KLHDC4: variants seen among roughly 807,000 people sequenced by gnomAD.
KLHDC4 encodes the protein kelch domain-containing protein 4.
A neutral mutation model predicts 62.4 loss-of-function variants in KLHDC4; 90 were observed. The ratio of observed to expected loss-of-function variants is 1.44; its 90% CI spans 1.22 to 1.72. KLHDC4 has a LOEUF of 1.72. Among genes scored for constraint, KLHDC4 ranks in the 40% most tolerant of loss-of-function variants. KLHDC4 has a pLI of 0.00. For synonymous variants in KLHDC4, 386 were observed against 284.4 expected, an observed-to-expected ratio of 1.36 and a Z score of -3.59; for missense variants, 1,025 against 699.7, an observed-to-expected ratio of 1.47 and a Z score of -5.25.
chr16:87,727,425 C>T (rs2039565964), intron 6 of KLHDC4, among the ~76,000 whole-genome samples: 1 of 152,190 alleles, frequency 6.6e-6, no homozygotes, highest in Non-Finnish European at 1.5e-5. Flanking sequence ...GTGTGAGCAG[C>T]CTGGCAGCAA....
chr16:87,722,499 C>T (rs902403398), intron 7 of KLHDC4, among the ~76,000 whole-genome samples: 1 of 152,238 alleles, frequency 6.6e-6, no homozygotes, highest in African/African-American at 2.4e-5. Context: ...CCATGCAGAA[C>T]CACGGTCAGA....
chr16:87,748,099 G>A (rs1421641922), intron 5 of KLHDC4, among the ~76,000 whole-genome samples: 1 of 152,116 alleles, frequency 6.6e-6, no homozygotes, highest in Admixed American at 6.5e-5. Context: ...CTCTCTACAC[G>A]GAGAGACAAA....
chr16:87,754,654 G>T (rs1350148455), intron 4 of KLHDC4, among the ~76,000 whole-genome samples: 1 of 152,164 alleles, frequency 6.6e-6, no homozygotes, highest in Non-Finnish European at 1.5e-5. Context: ...AATGGACAAG[G>T]ACAGAGTTCC....
At chr16:87,714,681 C>T (rs2036584991) in intron 7 of KLHDC4, 108 bp from the exon 8 acceptor site, 1 of 1,154,186 alleles carries the variant, frequency 8.7e-7, no homozygotes, top group Non-Finnish European at 1.3e-6. Context: ...GAGGCCTTCC[C>T]TGTAGACCAG....
At chr16:87,739,371 C>A (rs1347491121) in intron 5 of KLHDC4, among the ~76,000 whole-genome samples, 1 of 137,166 alleles carries the variant, frequency 7.3e-6, no homozygotes, top group African/African-American at 2.8e-5. Flanking sequence ...TCCATCCACA[C>A]ACCAGCACGT....
Position 87,730,622 on chromosome 16 carries a change from G to C in KLHDC4, c.529C>G (p.Arg177Gly). ...QVKSTGGPSG[R>G]SGHRMVAWKR... is the part of the protein sequence containing the mutation. ...CAGGCCACCATCCGATGTCCACTCCGACCCGAAGGACCGCCTGTTGATCTA... is the reference window on the plus strand; with the variant it reads ...CAGGCCACCATCCGATGTCCACTCCCACCCGAAGGACCGCCTGTTGATCTA... The change falls in exon 6 of 12, where the codon CGG (arginine) becomes GGG (glycine). Residue 177 changes from arginine (R) to glycine (G), a missense_variant. Physicochemically the swap from Arg to Gly is moderately radical, Grantham distance 125. Coordinates refer to ENST00000270583, the MANE Select transcript of KLHDC4 (RefSeq NM_017566.4). 1 of 1,612,758 alleles carries C rather than the reference G, an allele frequency of 6.2e-7. No homozygotes were observed. Among genetic ancestry groups the C allele is most frequent in the Non-Finnish European group, 8.5e-7 (1 of 1,179,710 alleles).
intron 5 of KLHDC4, among the ~76,000 whole-genome samples, chr16:87,734,314 A>T (rs1346860776): frequency 6.6e-6 from 1 of 152,126 alleles, no homozygotes; most frequent in African/African-American, 2.4e-5. Flanking sequence ...ACTGCACTCC[A>T]GTCTGGGCGA....
chr16:87,710,467 G>C (rs1456257642), intron 9 of KLHDC4: 1 of 152,228 alleles, frequency 6.6e-6, no homozygotes, highest in African/African-American at 2.4e-5. Context: ...AAAGCTCTCT[G>C]AGGTCCTCCG....
At chr16:87,701,999 C>A (rs754441363) in exon 1 of KLHDC4, 2 of 456,332 alleles carry the variant, frequency 4.4e-6, no homozygotes, top group South Asian at 3.1e-5. Context: ...AAAGCTCAGC[C>A]CAGCAGCCAG....
At chr16:87,725,667 G>A (rs1004026124) in intron 7 of KLHDC4, among the ~76,000 whole-genome samples, 1 of 152,190 alleles carries the variant, frequency 6.6e-6, no homozygotes, top group African/African-American at 2.4e-5. Context: ...TGAAGCAACA[G>A]GAACACTTGA....
At chr16:87,750,590 G>T (rs1483054937) in intron 4 of KLHDC4, among the ~76,000 whole-genome samples, 2 of 152,238 alleles carry the variant, frequency 1.3e-5, no homozygotes. Flanking sequence ...ACAGGGCGCA[G>T]AGAGGGCTGG....
intron 5 of KLHDC4, among the ~76,000 whole-genome samples, chr16:87,737,985 A>C (rs978331274): frequency 2.0e-5 from 3 of 151,964 alleles, no homozygotes; most frequent in African/African-American, 2.4e-5. Flanking sequence ...ATCCATACAC[A>C]CCCCGGCCTT....
At chr16:87,719,292 G>C (rs1294515463) in intron 7 of KLHDC4, among the ~76,000 whole-genome samples, 2 of 152,276 alleles carry the variant, frequency 1.3e-5, no homozygotes, top group South Asian at 2.1e-4. Flanking sequence ...CAAAGAGGTA[G>C]ACATGGGAGA....
At chr16:87,701,506 C>G in exon 1 of KLHDC4, 1 of 359,546 alleles carries the variant, frequency 2.8e-6, no homozygotes, top group Non-Finnish European at 5.6e-6. Context: ...CTAGGAGAAG[C>G]AAGCAGCCCC....
intron 1 of KLHDC4, 83 bp downstream of exon 1, chr16:87,765,709 C>T: frequency 7.3e-7 from 1 of 1,366,182 alleles, no homozygotes; most frequent in Non-Finnish European, 9.9e-7. Flanking sequence ...CACGGCCGAC[C>T]CGTAACCCCG....
At chr16:87,725,958 G>A (rs2039297498) in intron 7 of KLHDC4, among the ~76,000 whole-genome samples, 1 of 152,122 alleles carries the variant, frequency 6.6e-6, no homozygotes, top group African/African-American at 2.4e-5. Context: ...GAGACCCTCA[G>A]AACACAGAAT....
At chr16:87,709,004 C>G (rs969528388) in intron 10 of KLHDC4, among the ~76,000 whole-genome samples, 1 of 152,240 alleles carries the variant, frequency 6.6e-6, no homozygotes, top group African/African-American at 2.4e-5. Flanking sequence ...GACGGAGCAG[C>G]AGATGCACCC....
intron 5 of KLHDC4, among the ~76,000 whole-genome samples, chr16:87,736,347 C>G (rs868806133): frequency 6.6e-6 from 1 of 152,182 alleles, no homozygotes; most frequent in African/African-American, 2.4e-5. Context: ...CCGTCGTGAA[C>G]AGAAACATCG....
intron 5 of KLHDC4, among the ~76,000 whole-genome samples, chr16:87,738,488 A>T (rs2041730916): frequency 1.3e-5 from 2 of 152,284 alleles, no homozygotes; most frequent in South Asian, 4.1e-4. Context: ...GCAAGAGCAG[A>T]AAAGTGGAAA....
Sources: gnomAD v4.1 joint callset for allele counts (sites outside exome capture counted in the v4.1 genomes callset) on GRCh38, gnomAD v4.1.1 for gene constraint, MANE v1.5 for transcripts, NCBI Gene and HGNC (gene_info 2026-07-23, HGNC 2026-07-21) for gene names.